IL10RA: variants seen among roughly 807,000 people sequenced by gnomAD.
The protein encoded by IL10RA is interleukin-10 receptor subunit alpha.
IL10RA carries 18 observed loss-of-function variants against 29.6 expected under a neutral mutation model. That is an observed-to-expected ratio of 0.61 (90% CI 0.42 to 0.90). The LOEUF is 0.90. IL10RA is among the 40% of genes least tolerant of loss of function. The probability of loss-of-function intolerance (pLI) is 0.00; values close to 1 mark genes in which losing one functional copy is unlikely to be tolerated. For synonymous variants in IL10RA, 292 were observed against 294.1 expected (o/e 0.99, Z 0.07); for missense variants, 634 against 716.6 (o/e 0.88, Z 1.32).
rs2134989421 is a variant in IL10RA, at chr11:117,994,145, G to A, written c.684G>A (p.Arg228=). 6.2e-7 allele frequency: 1 copy of A among 1,613,942 alleles called. No homozygotes were observed. The highest frequency in any genetic ancestry group is 1.7e-5 in the Admixed American group (1 of 60,014). The part of the protein sequence containing the change: ...WSKEECISLT[R]QYFTVTNVII... Reference sequence around the variant, plus strand: ...AAGAGGAGTGCATCTCCCTCACCAGGCAGTGTGAGTCAGCTGGGCTGCTCT... The same window carrying A: ...AAGAGGAGTGCATCTCCCTCACCAGACAGTGTGAGTCAGCTGGGCTGCTCT... Residue 228 remains arginine, a synonymous_variant, in exon 5 of 7, where the codon AGG becomes AGA. Coordinates refer to ENST00000227752, the MANE Select transcript of IL10RA (RefSeq NM_001558.4).
In IL10RA at chr11:117,987,282, G is replaced by A. The variant is rs1202254954; in HGVS notation, c.67+748G>A. 1.5e-5 allele frequency: 3 copies of A among 205,462 alleles called. No individual in the cohort carries two copies. The East Asian group carries it at 3.5e-4, about 24-fold the overall frequency. 12.7% of individuals were successfully genotyped at this position (205,462 alleles called of 1,614,324 possible). A position where few individuals can be genotyped will look rare whatever the true frequency, so the allele number is the denominator to read the frequency against. ...CGTGATCGAGAGCTGAGTCGGAGAT[G>A]TGCAGCCCAAATACCACAACGACTC... On this transcript the variant is annotated intron_variant, in intron 1 of 6. Transcript: ENST00000227752.
intron 1 of IL10RA, chr11:117,986,873 T>C: frequency 7.2e-7 from 1 of 1,380,892 alleles, no homozygotes; most frequent in Middle Eastern, 1.9e-4. Flanking sequence ...TCTTGTCCCC[T>C]TGGGGAATAA....
rs544218279 is a variant in IL10RA at position 118,000,360 on chromosome 11, C to G, written c.*719C>G. On this transcript the variant is annotated 3_prime_UTR_variant, in exon 7 of 7. Transcript: ENST00000227752. Reference sequence around the variant, plus strand: ...GGCACCCATCTGCAAATATCTCCCTCTCTCCAACAAATGGAGTAGCATCCC... The same window carrying G: ...GGCACCCATCTGCAAATATCTCCCTGTCTCCAACAAATGGAGTAGCATCCC... The G allele has an allele frequency of 6.6e-6, 3 of 454,158 alleles. No individual in the cohort carries two copies. The highest frequency in any genetic ancestry group is 3.1e-5 in the South Asian group (2 of 64,480). The allele number at this position is 454,158 out of a possible 1,614,324, so 28.1% of individuals were successfully genotyped here. A position where few individuals can be genotyped will look rare whatever the true frequency, so the allele number is the denominator to read the frequency against.
Position 117,986,444 on chromosome 11 carries a change from C to G in IL10RA, c.-24C>G, listed in dbSNP as rs1025958784. On this transcript the variant is annotated 5_prime_UTR_variant, in exon 1 of 7. Coordinates refer to ENST00000227752, the MANE Select transcript of IL10RA (RefSeq NM_001558.4). ...GCGCGCAGGCCGGCTCCGCTCCGGC[C>G]CCGGACGATGCGGCGCGCCCAGGAT... 6.5e-7 allele frequency: 1 copy of G among 1,548,574 alleles called. No homozygotes were observed. The highest frequency in any genetic ancestry group is 8.7e-7 in the Non-Finnish European group (1 of 1,146,368).
rs1203213796 is a variant in IL10RA at position 117,988,418 on chromosome 11, A to T, written c.104A>T (p.Glu35Val). ...CCCAGCCCTCCGTCTGTGTGGTTTG[A>T]AGCAGAATTTTTCCACCACATCCTC... ...ELPSPPSVWF[E>V]AEFFHHILHW... Residue 35 changes from glutamate to valine, a missense_variant, in exon 2 of 7, where the codon GAA (glutamate) becomes GTA (valine). By Grantham distance (121) the Glu-to-Val change is moderately radical. Transcript: ENST00000227752. The T allele has an allele frequency of 6.2e-7, 1 of 1,614,130 alleles. No individual in the cohort carries two copies. The highest frequency in any genetic ancestry group is 8.5e-7 in the Non-Finnish European group (1 of 1,180,020).
rs957093777 is a variant in IL10RA at position 117,991,648 on chromosome 11, G to A, written c.368-1593G>A. On this transcript the variant is annotated intron_variant, in intron 3 of 6. Coordinates refer to ENST00000227752, the MANE Select transcript of IL10RA (RefSeq NM_001558.4). ...TTCTACTTAGATTCTATACATAAGT[G>A]AGATCTTATGGCATTTATCTCTTTG... Among the ~76,000 whole-genome samples the A allele has an allele frequency of 8.5e-5, 13 of 152,312 alleles. 1 individual carries two copies. The highest frequency in any genetic ancestry group is 3.1e-4 in the African/African-American group (13 of 41,580).
At chr11:117,986,577 G>A (rs1345607410) in intron 1 of IL10RA, 43 bp downstream of exon 1, 2 of 1,549,022 alleles carry the variant, frequency 1.3e-6, no homozygotes, top group Non-Finnish European at 8.7e-7. Flanking sequence ...TGCCCTCTCC[G>A]CGCCCGCTCC....
At position 117,988,413 on chromosome 11, in the gene IL10RA, G is replaced by T. The variant is rs1281442597; in HGVS notation, c.99G>T (p.Trp33Cys). The change falls in exon 2 of 7, where the codon TGG becomes TGT. Residue 33 changes from tryptophan to cysteine, a missense_variant. Physicochemically the swap from Trp to Cys is radical, Grantham distance 215. Coordinates refer to ENST00000227752, the MANE Select transcript of IL10RA (RefSeq NM_001558.4). ...AGCTGCCCAGCCCTCCGTCTGTGTG[G>T]TTTGAAGCAGAATTTTTCCACCACA... The part of the protein sequence containing the change: ...GTELPSPPSV[W>C]FEAEFFHHIL... 2 of 1,614,182 alleles carry T rather than the reference G, an allele frequency of 1.2e-6. No individual in the cohort carries two copies. The highest frequency in any genetic ancestry group is 1.1e-5 in the South Asian group (1 of 91,086).
chr11:117,993,418 G>T lies in IL10RA; in HGVS notation c.537+8G>T, dbSNP rs199820753. The T allele has an allele frequency of 2.5e-6, 4 of 1,613,282 alleles. No homozygotes were observed. The highest frequency in any genetic ancestry group is 1.7e-4 in the Middle Eastern group (1 of 5,972). On this transcript the variant is annotated splice_region_variant and intron_variant, in intron 4 of 6. Transcript: ENST00000227752. ...GTGCCGGGAAACTTCACGGTATGGG[G>T]TTCCCCAAGGCCCCAGGGCCAGAAC...
intron 3 of IL10RA, among the ~76,000 whole-genome samples, chr11:117,990,192 G>A (rs531693302): frequency 4.6e-5 from 7 of 152,288 alleles, no homozygotes; most frequent in South Asian, 2.1e-4. Flanking sequence ...AGTTAGAGCC[G>A]ATGGTCTAGG....
In IL10RA at chr11:118,000,175, CG is replaced by C. The variant is rs1565374612; in HGVS notation, c.*537del. On this transcript the variant is annotated 3_prime_UTR_variant, in exon 7 of 7. Transcript: ENST00000227752. ...GGTCACATGGGGAACCTCCCCTCAT[CG>C]GGCCTCTGGGGCAGGAAGCTTGTCA... 2.2e-6 allele frequency: 1 copy of C among 453,006 alleles called. No homozygotes were observed. 28.1% of individuals were successfully genotyped at this position (453,006 alleles called of 1,614,324 possible). A position where few individuals can be genotyped will look rare whatever the true frequency, so the allele number is the denominator to read the frequency against.
chr11:117,988,070 T>C (rs1001512453), intron 1 of IL10RA: 7 of 427,422 alleles, frequency 1.6e-5, no homozygotes, highest in African/African-American at 1.4e-4. Context: ...CTAACACATC[T>C]GAGAGCTCAT....
intron 6 of IL10RA, among the ~76,000 whole-genome samples, chr11:117,997,536 T>G (rs912398685): frequency 6.6e-6 from 1 of 152,188 alleles, no homozygotes; most frequent in African/African-American, 2.4e-5. Context: ...AGAGCTGCAT[T>G]TGAATCATCA....
chr11:117,991,576 G>A (rs1435102287), intron 3 of IL10RA, among the ~76,000 whole-genome samples: 1 of 152,016 alleles, frequency 6.6e-6, no homozygotes, highest in African/African-American at 2.4e-5. Flanking sequence ...TCCAGCTTCT[G>A]GTAACCACTT....
In IL10RA at chr11:118,001,371, G is replaced by A. The variant is rs9610; in HGVS notation, c.*1730G>A. On this transcript the variant is annotated 3_prime_UTR_variant, in exon 7 of 7. Coordinates refer to ENST00000227752, the MANE Select transcript of IL10RA (RefSeq NM_001558.4). ...GAATAATGACTGACTTGTCTAATTC[G>A]TAGGGATGTGAGGTTCTGCTGAGGA... 0.5 allele frequency: 225,448 copies of A among 453,704 alleles called. 57,647 individuals are homozygous for A. Among genetic ancestry groups the A allele is most frequent in the African/African-American group, 0.65 (32,510 of 49,970 alleles). 28.1% of individuals were successfully genotyped at this position (453,704 alleles called of 1,614,324 possible).
intron 4 of IL10RA, 144 bp from the exon 5 acceptor site, chr11:117,993,855 C>T (rs1295589692): frequency 4.2e-6 from 3 of 711,242 alleles, no homozygotes; most frequent in East Asian, 5.4e-5. Flanking sequence ...TCATGTGCTG[C>T]ATTGGTAATT....
chr11:117,995,920 C>A (rs1384190680), intron 6 of IL10RA, among the ~76,000 whole-genome samples: 1 of 152,148 alleles, frequency 6.6e-6, no homozygotes. Context: ...TGTTGCCATC[C>A]AGTAGCTCAG....
At chr11:117,991,802 T>G (rs2058023955) in intron 3 of IL10RA, among the ~76,000 whole-genome samples, 1 of 152,206 alleles carries the variant, frequency 6.6e-6, no homozygotes, top group African/African-American at 2.4e-5. Context: ...TGTCTTGATC[T>G]CATCTCACTT....
At chr11:117,987,348 G>A (rs796880972) in intron 1 of IL10RA, 25 of 178,328 alleles carry the variant, frequency 1.4e-4, no homozygotes, top group African/African-American at 5.9e-4. Context: ...CGAAATCAAG[G>A]CACTGACGTG....
Sources: gnomAD v4.1 joint callset for allele counts (sites outside exome capture counted in the v4.1 genomes callset) on GRCh38, gnomAD v4.1.1 for gene constraint, MANE v1.5 for transcripts, NCBI Gene and HGNC (gene_info 2026-07-23, HGNC 2026-07-21) for gene names.